The following GABRR2 variants were observed in gnomAD, a reference collection of about 807,000 sequenced individuals.
GABRR2 encodes the protein gamma-aminobutyric acid receptor subunit rho-2.
GABRR2 carries 36 observed loss-of-function variants against 47.0 expected under a neutral mutation model. The observed-to-expected ratio is 0.77, with a 90% CI of 0.59 to 1.01. The LOEUF (loss-of-function observed/expected upper bound fraction) is 1.01, where lower values mean the gene tolerates loss of function less well. Among genes scored for constraint, GABRR2 ranks in the 50% least tolerant of loss-of-function variants. The probability of loss-of-function intolerance (pLI) is 0.00; values close to 1 mark genes in which losing one functional copy is unlikely to be tolerated. For synonymous variants in GABRR2, 204 were observed against 227.5 expected, an observed-to-expected ratio of 0.90 and a Z score of 0.93; for missense variants, 587 against 594.6, an observed-to-expected ratio of 0.99 and a Z score of 0.13.
At chr6:89,269,614 G>T (rs145953025) in intron 3 of GABRR2, among the ~76,000 whole-genome samples, 2 of 152,312 alleles carry the variant, frequency 1.3e-5, no homozygotes, top group East Asian at 3.9e-4. Flanking sequence ...CAGCTTAGTG[G>T]CCACTTCCAG....
intron 3 of GABRR2, among the ~76,000 whole-genome samples, chr6:89,271,074 C>T (rs1774039423): frequency 6.6e-6 from 1 of 152,024 alleles, no homozygotes; most frequent in Non-Finnish European, 1.5e-5. Flanking sequence ...GAAGCATGCT[C>T]AAGATCCCTG....
intron 1 of GABRR2, among the ~76,000 whole-genome samples, chr6:89,301,546 T>TA (rs1033544935): frequency 1.8e-4 from 28 of 152,096 alleles, no homozygotes; most frequent in African/African-American, 6.5e-4. Context: ...AAGATCAATG[T>TA]AAAAAATCAC....
chr6:89,266,047 T>G (rs886166449), intron 6 of GABRR2, among the ~76,000 whole-genome samples: 8 of 151,984 alleles, frequency 5.3e-5, no homozygotes, highest in African/African-American at 1.9e-4. Context: ...AGAAGGGAAG[T>G]TTTAGTCGTT....
At chr6:89,285,835 T>C (rs9344920) in intron 2 of GABRR2, among the ~76,000 whole-genome samples, 92,284 of 151,688 alleles carry the variant, frequency 0.61, 28,133 homozygotes, top group East Asian at 0.7. Context: ...TTCCCCAATG[T>C]CCTTGCTGAG....
At chr6:89,304,367 C>A (rs937374454) in intron 1 of GABRR2, among the ~76,000 whole-genome samples, 4 of 151,838 alleles carry the variant, frequency 2.6e-5, no homozygotes, top group African/African-American at 7.3e-5. Flanking sequence ...ATGAGGCAGG[C>A]GGATCACTTG....
rs75285938 is a variant in GABRR2, at chr6:89,306,488, T to A, written c.114-6623A>T. Among the ~76,000 whole-genome samples the A allele has an allele frequency of 3.9e-5, 6 of 152,362 alleles. No individual in the cohort carries two copies. The East Asian group carries it at 1.2e-3, about 29-fold the overall frequency. Reference sequence around the variant, plus strand: ...CCAAATATGATGCTCCTTACTTCAGTCCAGGTCTGCAGAACCTACCCTGGG... The same window carrying A: ...CCAAATATGATGCTCCTTACTTCAGACCAGGTCTGCAGAACCTACCCTGGG... On this transcript the variant is annotated intron_variant, in intron 1 of 8. Coordinates refer to ENST00000402938, the MANE Select transcript of GABRR2 (RefSeq NM_002043.5).
chr6:89,310,795 C>A (rs1208997583), intron 1 of GABRR2, among the ~76,000 whole-genome samples: 1 of 152,054 alleles, frequency 6.6e-6, no homozygotes, highest in Non-Finnish European at 1.5e-5. Context: ...CAGGGACAAG[C>A]AGAGGCCAGG....
intron 2 of GABRR2, among the ~76,000 whole-genome samples, chr6:89,294,480 A>C (rs147897492): frequency 6.6e-6 from 1 of 152,278 alleles, no homozygotes; most frequent in East Asian, 1.9e-4. Flanking sequence ...TTCCACAGGA[A>C]GTCCCTCTTG....
intron 1 of GABRR2, among the ~76,000 whole-genome samples, chr6:89,314,740 C>T (rs902065270): frequency 6.6e-6 from 1 of 152,156 alleles, no homozygotes; most frequent in Non-Finnish European, 1.5e-5. Flanking sequence ...CAAAGCAGCA[C>T]AATGTGATTT....
chr6:89,314,138 A>G (rs1767723278), intron 1 of GABRR2, among the ~76,000 whole-genome samples: 1 of 152,158 alleles, frequency 6.6e-6, no homozygotes, highest in Non-Finnish European at 1.5e-5. Context: ...CAGTTTCAAA[A>G]ACTTGTCATT....
chr6:89,315,177 C>T lies in GABRR2; in HGVS notation c.-12G>A. ...GTAAAATAAGGCATTTTGTGGACAT[C>T]TGTGAGGCAAAAAGCTGCTTTCCAG... On this transcript the variant is annotated 5_prime_UTR_variant, in exon 1 of 9. Transcript: ENST00000402938. 1 of 1,613,782 alleles carries T rather than the reference C, an allele frequency of 6.2e-7. No individual in the cohort carries two copies. The highest frequency in any genetic ancestry group is 2.2e-5 in the East Asian group (1 of 44,872).
rs1773592194 is a variant in GABRR2, at chr6:89,255,956, G to T, written c.*1714C>A. On this transcript the variant is annotated 3_prime_UTR_variant, in exon 9 of 9. Coordinates refer to ENST00000402938, the MANE Select transcript of GABRR2 (RefSeq NM_002043.5). ...GATAGGGTCTCGCTCTGTCACTCAGGCTGGACTGCAGTGGCTTGATCACAG... is the reference window on the plus strand; with the variant it reads ...GATAGGGTCTCGCTCTGTCACTCAGTCTGGACTGCAGTGGCTTGATCACAG... Among the ~76,000 whole-genome samples the T allele has an allele frequency of 6.6e-6, 1 of 151,750 alleles. No individual in the cohort carries two copies. Among genetic ancestry groups the T allele is most frequent in the African/African-American group, 2.4e-5 (1 of 41,262 alleles).
chr6:89,254,671 A>G lies in GABRR2; in HGVS notation c.*2999T>C, dbSNP rs1420822660. On this transcript the variant is annotated 3_prime_UTR_variant, in exon 9 of 9. Coordinates refer to ENST00000402938, the MANE Select transcript of GABRR2 (RefSeq NM_002043.5). ...AAGTATCATTCATGCATTCCTGATA[A>G]CAATTGTGTTTGCTTCTCTGTCTTC... 6.6e-6 allele frequency among the ~76,000 whole-genome samples: 1 copy of G among 152,208 alleles called. No homozygotes were observed. The highest frequency in any genetic ancestry group is 1.5e-5 in the Non-Finnish European group (1 of 68,042).
At chr6:89,303,305 T>C (rs1399629313) in intron 1 of GABRR2, among the ~76,000 whole-genome samples, 1 of 152,212 alleles carries the variant, frequency 6.6e-6, no homozygotes, top group Non-Finnish European at 1.5e-5. Context: ...ACGTGTGTGC[T>C]GCTCCTGTCT....
intron 3 of GABRR2, 138 bp from the exon 4 acceptor site, chr6:89,269,372 G>T (rs990023965): frequency 1.4e-6 from 1 of 690,812 alleles, no homozygotes; most frequent in Non-Finnish European, 2.6e-6. Flanking sequence ...CAGCCCTGTG[G>T]CAGGATGGCA....
chr6:89,290,040 C>G (rs541003587), intron 2 of GABRR2, among the ~76,000 whole-genome samples: 2 of 152,318 alleles, frequency 1.3e-5, no homozygotes, highest in East Asian at 3.9e-4. Flanking sequence ...ACCAAGAGAA[C>G]AAACAGTGCC....
intron 8 of GABRR2, among the ~76,000 whole-genome samples, chr6:89,259,746 T>C (rs1007466716): frequency 2.1e-4 from 32 of 152,028 alleles, no homozygotes; most frequent in Admixed American, 4.6e-4. Flanking sequence ...TCAAATGATC[T>C]GCCTGCCTAG....
chr6:89,285,414 G>A (rs1375273399), intron 2 of GABRR2, among the ~76,000 whole-genome samples: 2 of 152,178 alleles, frequency 1.3e-5, no homozygotes, highest in Admixed American at 1.3e-4. Context: ...AAATAGGCCT[G>A]ATTTTTCTCA....
chr6:89,282,861 A>G (rs1774272980), intron 2 of GABRR2, among the ~76,000 whole-genome samples: 1 of 152,146 alleles, frequency 6.6e-6, no homozygotes. Flanking sequence ...AGCCCCTCCC[A>G]GAGTCCTCCC....
Sources: allele counts gnomAD v4.1 joint callset (sites outside exome capture counted in the v4.1 genomes callset), GRCh38; gene constraint gnomAD v4.1.1; transcripts MANE v1.5; gene names NCBI Gene and HGNC (gene_info 2026-07-23, HGNC 2026-07-21).